ZAP70: variants seen among roughly 807,000 people sequenced by gnomAD.
ZAP70 encodes the protein tyrosine-protein kinase ZAP-70.
In ZAP70, 27 loss-of-function variants were observed where a neutral mutation model predicts 65.8. The ratio of observed to expected loss-of-function variants is 0.41; its 90% CI spans 0.30 to 0.57. The LOEUF (loss-of-function observed/expected upper bound fraction) is 0.57. Ranked by LOEUF, ZAP70 falls within the 20% of genes least tolerant of loss-of-function variation. The probability of loss-of-function intolerance (pLI) is 0.28; values close to 1 mark genes in which losing one functional copy is unlikely to be tolerated. For synonymous variants in ZAP70, 363 were observed against 360.8 expected (o/e 1.01, Z -0.07); for missense variants, 696 against 870.5 (o/e 0.80, Z 2.52).
intron 10 of ZAP70, among the ~76,000 whole-genome samples, chr2:97,735,685 C>T (rs1302822715): frequency 6.6e-6 from 1 of 152,242 alleles, no homozygotes; most frequent in Non-Finnish European, 1.5e-5. Context: ...ACCTCCAGGG[C>T]CTTTGCGAGG....
chr2:97,754,754 G>A, the ZAP70 span, among the ~76,000 whole-genome samples: 1 of 152,152 alleles, frequency 6.6e-6, no homozygotes, highest in South Asian at 2.1e-4. Context: ...CCTGTATGTA[G>A]AGCTTTACAC....
chr2:97,733,206 G>A lies in ZAP70; in HGVS notation c.784G>A (p.Ala262Thr), dbSNP rs768188594. ...EACPNSSASN[A>T]SGAAAPTLPA... The stretch of plus-strand genomic sequence containing the variant: ...CTGCCCCAACAGCAGTGCCAGCAAC[G>A]CCTCAGGTGACGGCAGCAGGCGGGC... Residue 262 changes from alanine to threonine, a missense_variant, in exon 6 of 14, where the codon GCC becomes ACC. By Grantham distance (58) the Ala-to-Thr change is moderately conservative (BLOSUM62 0). Transcript: ENST00000264972. The A allele has an allele frequency of 3.1e-6, 5 of 1,613,446 alleles. No homozygotes were observed. Among genetic ancestry groups the A allele is most frequent in the Non-Finnish European group, 4.2e-6 (5 of 1,179,792 alleles).
rs199747713 is a variant in ZAP70, at chr2:97,725,106, G to A, written c.417G>A (p.Glu139=). The stretch of plus-strand genomic sequence containing the variant: ...TCCTTTTCTAGGGCGAGGCCCTGGA[G>A]CAGGCCATCATCAGCCAGGCCCCGC... ...QTWKLEGEAL[E]QAIISQAPQV... Residue 139 remains glutamate, a synonymous_variant, in exon 4 of 14, where the codon GAG becomes GAA. Coordinates refer to ENST00000264972, the MANE Select transcript of ZAP70 (RefSeq NM_001079.4). The A allele has an allele frequency of 6.2e-7, 1 of 1,614,126 alleles. No individual in the cohort carries two copies. Among genetic ancestry groups the A allele is most frequent in the East Asian group, 2.2e-5 (1 of 44,874 alleles).
At chr2:97,733,620 G>A (rs201824457) in intron 8 of ZAP70, 25 bp downstream of exon 8, 30 of 1,613,218 alleles carry the variant, frequency 1.9e-5, no homozygotes, top group African/African-American at 1.7e-4. Flanking sequence ...GTGGGGACGC[G>A]GGTTGGGGCT....
chr2:97,725,349 A>G, intron 4 of ZAP70, 97 bp downstream of exon 4: 1 of 1,482,234 alleles, frequency 6.7e-7, no homozygotes, highest in Non-Finnish European at 9.3e-7. Context: ...TTGGGCCGTA[A>G]GGGTGTCCCT....
chr2:97,730,834 T>C (rs1677568200), intron 4 of ZAP70, among the ~76,000 whole-genome samples: 1 of 152,050 alleles, frequency 6.6e-6, no homozygotes, highest in African/African-American at 2.4e-5. Context: ...GGCAGGTGGA[T>C]CACGAGGTCA....
At chr2:97,724,966 C>A (rs1210731910) in intron 3 of ZAP70, 126 bp from the exon 4 acceptor site, 1 of 1,540,516 alleles carries the variant, frequency 6.5e-7, no homozygotes, top group African/African-American at 1.4e-5. Context: ...CCTCGAAAAC[C>A]TGCCTAACAC....
At chr2:97,750,873 C>T in the ZAP70 span, among the ~76,000 whole-genome samples, 1 of 152,210 alleles carries the variant, frequency 6.6e-6, no homozygotes, top group African/African-American at 2.4e-5. Context: ...GTTGGACTTT[C>T]AGAGCAGAGT....
At chr2:97,719,491 C>T (rs1462037179) in intron 2 of ZAP70, among the ~76,000 whole-genome samples, 1 of 149,116 alleles carries the variant, frequency 6.7e-6, no homozygotes, top group Non-Finnish European at 1.5e-5. Context: ...TTGAGGAGGT[C>T]ACAGAGTGCT....
At position 97,734,698 on chromosome 2, in the gene ZAP70, G is replaced by A; in HGVS notation, c.1068G>A (p.Val356=). The part of the protein sequence containing the change: ...CGNFGSVRQG[V]YRMRKKQIDV... ...ACTTTGGCTCAGTGCGCCAGGGCGT[G>A]TACCGCATGCGCAAGTATGGCCGCC... is the stretch of plus-strand genomic sequence containing the variant. The change falls in exon 9 of 14, where the codon GTG becomes GTA. Residue 356 remains valine, a synonymous_variant. Transcript: ENST00000264972. 1 of 1,613,966 alleles carries A rather than the reference G, an allele frequency of 6.2e-7. No individual in the cohort carries two copies. The highest frequency in any genetic ancestry group is 8.5e-7 in the Non-Finnish European group (1 of 1,180,012).
intron 10 of ZAP70, among the ~76,000 whole-genome samples, chr2:97,735,903 G>T (rs1214109779): frequency 6.6e-6 from 1 of 152,220 alleles, no homozygotes; most frequent in East Asian, 1.9e-4. Context: ...AGCTACTCAG[G>T]AGGCTGAGGC....
chr2:97,728,227 G>A (rs1307175878), intron 4 of ZAP70, among the ~76,000 whole-genome samples: 1 of 152,216 alleles, frequency 6.6e-6, no homozygotes, highest in Non-Finnish European at 1.5e-5. Flanking sequence ...TCTGTGCATT[G>A]CATATCAAAC....
At chr2:97,723,398 A>C (rs951517719) in intron 2 of ZAP70, among the ~76,000 whole-genome samples, 2 of 152,232 alleles carry the variant, frequency 1.3e-5, no homozygotes, top group African/African-American at 2.4e-5. Context: ...CTGCGCATGC[A>C]GTCCTCTCTG....
At position 97,737,771 on chromosome 2, in the gene ZAP70, G is replaced by T. The variant is rs1319862048; in HGVS notation, c.1497G>T (p.Gly499=). The change falls in exon 12 of 14, where the codon GGG becomes GGT. Residue 499 remains glycine (G), a synonymous_variant. Transcript: ENST00000264972. The surrounding 1 kb of genome is among the most constrained non-coding windows in gnomAD (Gnocchi z 5.0). ...DDSYYTARSA[G]KWPLKWYAPE... ...CCCCTCCCCAGGCCCGCTCAGCAGGGAAGTGGCCGCTCAAGTGGTACGCAC... is the reference window on the plus strand; with the variant it reads ...CCCCTCCCCAGGCCCGCTCAGCAGGTAAGTGGCCGCTCAAGTGGTACGCAC... 2 of 1,614,140 alleles carry T rather than the reference G, an allele frequency of 1.2e-6. No homozygotes were observed. The highest frequency in any genetic ancestry group is 1.7e-6 in the Non-Finnish European group (2 of 1,180,000).
chr2:97,721,612 T>G (rs1314277723), intron 2 of ZAP70, among the ~76,000 whole-genome samples: 27 of 146,882 alleles, frequency 1.8e-4, no homozygotes, highest in Non-Finnish European at 3.1e-4. Context: ...TTTTGTATTT[T>G]TAGTAGAGAC....
intron 13 of ZAP70, 143 bp downstream of exon 13, chr2:97,738,250 T>G: frequency 2.2e-5 from 17 of 789,562 alleles, no homozygotes; most frequent in Non-Finnish European, 3.2e-5. Context: ...AGCTGCCCCC[T>G]ACCCCCACAC....
chr2:97,749,276 T>C, the ZAP70 span, among the ~76,000 whole-genome samples: 1 of 152,190 alleles, frequency 6.6e-6, no homozygotes, highest in East Asian at 1.9e-4. Flanking sequence ...CCCAAAGTGC[T>C]AGGATTGCAG....
chr2:97,714,227 G>A (rs1676821546), intron 2 of ZAP70, among the ~76,000 whole-genome samples: 1 of 152,178 alleles, frequency 6.6e-6, no homozygotes, highest in Non-Finnish European at 1.5e-5. Flanking sequence ...CTGTTCAGGG[G>A]ACACGGTGAG....
In ZAP70 at chr2:97,733,696, G is replaced by A. The variant is rs764772870; in HGVS notation, c.889+101G>A. The stretch of plus-strand genomic sequence containing the variant: ...GTTTCACGGGGGGCGCTGTGGGCCG[G>A]GCCAGGCTGTGGCAGTTGGCTTGGT... On this transcript the variant is annotated intron_variant, in intron 8 of 13. Coordinates refer to ENST00000264972, the MANE Select transcript of ZAP70 (RefSeq NM_001079.4). 1.5e-4 allele frequency: 219 copies of A among 1,487,474 alleles called. 2 individuals carry two copies. The Middle Eastern group carries it at 2.6e-3, about 18-fold the overall frequency. 92.1% of individuals were successfully genotyped at this position (1,487,474 alleles called of 1,614,324 possible).
Sources: allele counts gnomAD v4.1 joint callset (sites outside exome capture counted in the v4.1 genomes callset), GRCh38; gene constraint gnomAD v4.1.1; non-coding constraint Gnocchi (gnomAD v3.1); transcripts MANE v1.5; gene names NCBI Gene and HGNC (gene_info 2026-07-23, HGNC 2026-07-21).